SPIDR: variants seen among roughly 807,000 people sequenced by gnomAD.
SPIDR encodes the protein scaffold protein involved in DNA repair, also known as DNA repair-scaffolding protein.
A neutral mutation model predicts 104.6 loss-of-function variants in SPIDR; 93 were observed. That is an observed-to-expected ratio of 0.89 (90% CI 0.75 to 1.06). The LOEUF is 1.06. Ranked by LOEUF, SPIDR falls within the 50% of genes least tolerant of loss-of-function variation. SPIDR has a pLI of 0.00. For synonymous variants in SPIDR, 431 were observed against 416.9 expected, an observed-to-expected ratio of 1.03 and a Z score of -0.41; for missense variants, 1,154 against 1,111.2, an observed-to-expected ratio of 1.04 and a Z score of -0.55.
intron 7 of SPIDR, among the ~76,000 whole-genome samples, chr8:47,437,917 C>T (rs2068669482): frequency 6.6e-6 from 1 of 152,208 alleles, no homozygotes. Flanking sequence ...CTAAATCATG[C>T]TGCTATAAAG....
rs188930379 is a variant in SPIDR, at chr8:47,686,654, A to C, written c.1685+12713A>C. 6.6e-5 allele frequency among the ~76,000 whole-genome samples: 10 copies of C among 152,290 alleles called. No individual in the cohort carries two copies. In the East Asian group the frequency reaches 1.5e-3, roughly 23 times the overall value. On this transcript the variant is annotated intron_variant, in intron 11 of 19. Coordinates refer to ENST00000297423, the MANE Select transcript of SPIDR (RefSeq NM_001080394.4). ...CTTAAGACAGGTGCACCAAATTCCA[A>C]AGTCTGATTTTCAGTACTACAGCTG...
chr8:47,506,425 G>A (rs1007759636), intron 8 of SPIDR, among the ~76,000 whole-genome samples: 3 of 152,124 alleles, frequency 2.0e-5, no homozygotes, highest in African/African-American at 7.2e-5. Context: ...CACCAGTGCA[G>A]GTTCTCAGGG....
chr8:47,291,165 G>C (rs1234411764), intron 4 of SPIDR, 28 bp downstream of exon 4: 11 of 1,484,520 alleles, frequency 7.4e-6, no homozygotes, highest in East Asian at 2.3e-5. Flanking sequence ...AGAATAGACA[G>C]ATTTTGTAAC....
chr8:47,595,978 G>C lies in SPIDR; in HGVS notation c.1265G>C (p.Gly422Ala). The C allele has an allele frequency of 6.2e-7, 1 of 1,612,380 alleles. No homozygotes were observed. The highest frequency in any genetic ancestry group is 1.1e-5 in the South Asian group (1 of 90,684). ...ISLAQMFVIKGLTNNSPEIQV... is the reference protein window; with the variant it reads ...ISLAQMFVIKALTNNSPEIQV... The stretch of plus-strand genomic sequence containing the variant: ...TTGGCCCAGATGTTTGTAATTAAGG[G>C]TCTAACAAATAATTCACCTGAAATC... The change falls in exon 9 of 20, where the codon GGT becomes GCT. Residue 422 changes from glycine (G) to alanine (A), a missense_variant. Transcript: ENST00000297423.
intron 5 of SPIDR, among the ~76,000 whole-genome samples, chr8:47,347,637 T>C (rs1267501852): frequency 3.3e-5 from 5 of 152,244 alleles, no homozygotes; most frequent in African/African-American, 9.6e-5. Flanking sequence ...TGGGTGCTTC[T>C]TTATTGGGTG....
At chr8:47,290,293 T>G (rs1188005993) in intron 3 of SPIDR, among the ~76,000 whole-genome samples, 1 of 152,134 alleles carries the variant, frequency 6.6e-6, no homozygotes, top group Non-Finnish European at 1.5e-5. Context: ...ATGACAAAAT[T>G]ACAGAAATGC....
At chr8:47,585,803 A>G (rs1372918607) in intron 8 of SPIDR, among the ~76,000 whole-genome samples, 1 of 151,926 alleles carries the variant, frequency 6.6e-6, no homozygotes, top group Non-Finnish European at 1.5e-5. Context: ...CGCCAATCCC[A>G]CTCCCATGAT....
intron 5 of SPIDR, among the ~76,000 whole-genome samples, chr8:47,331,722 A>C (rs1475870856): frequency 6.6e-6 from 1 of 152,128 alleles, no homozygotes; most frequent in African/African-American, 2.4e-5. Context: ...TAATAAATTA[A>C]TCTTAGCTTA....
At chr8:47,500,453 G>A (rs1444774257) in intron 8 of SPIDR, among the ~76,000 whole-genome samples, 1 of 152,190 alleles carries the variant, frequency 6.6e-6, no homozygotes, top group Non-Finnish European at 1.5e-5. Flanking sequence ...TTTGAGAAGT[G>A]TCTGTTCATA....
At chr8:47,272,470 T>C (rs1267046768) in intron 1 of SPIDR, among the ~76,000 whole-genome samples, 7 of 152,192 alleles carry the variant, frequency 4.6e-5, no homozygotes, top group African/African-American at 9.7e-5. Context: ...CATTATGTGG[T>C]TAGTTTAGTT....
chr8:47,386,892 A>AAG (rs376045910), intron 5 of SPIDR, among the ~76,000 whole-genome samples: 4,963 of 70,520 alleles, frequency 0.07, 224 homozygotes, highest in African/African-American at 0.091. Flanking sequence ...GAGAGAGAGA[A>AAG]AGAGAGAGAG....
At chr8:47,663,714 A>G (rs1407634221) in intron 10 of SPIDR, among the ~76,000 whole-genome samples, 1 of 152,240 alleles carries the variant, frequency 6.6e-6, no homozygotes, top group Non-Finnish European at 1.5e-5. Context: ...TTCAGAATGG[A>G]TAGTTTCCAA....
At chr8:47,653,913 TTACAC>T in intron 10 of SPIDR, 1 of 941,640 alleles carries the variant, frequency 1.1e-6, no homozygotes, top group South Asian at 4.9e-5. Flanking sequence ...AAAGAATTGT[TTACAC>T]TATGGGAATA....
intron 5 of SPIDR, among the ~76,000 whole-genome samples, chr8:47,322,995 G>C (rs949779069): frequency 2.6e-5 from 4 of 152,026 alleles, no homozygotes; most frequent in Admixed American, 6.6e-5. Flanking sequence ...GTTAAATGAC[G>C]AGTTACTGTG....
chr8:47,323,370 C>T (rs1289485550), intron 5 of SPIDR, among the ~76,000 whole-genome samples: 3 of 152,136 alleles, frequency 2.0e-5, no homozygotes, highest in Non-Finnish European at 4.4e-5. Flanking sequence ...TGTGAGTGTA[C>T]AGTGTCTCAC....
chr8:47,723,247 T>TTTAAA, intron 16 of SPIDR, among the ~76,000 whole-genome samples: 1 of 152,324 alleles, frequency 6.6e-6, no homozygotes, highest in African/African-American at 2.4e-5. Flanking sequence ...AATTTGTGTA[T>TTTAAA]TGAGACCATT....
chr8:47,350,995 T>C (rs1371738043), intron 5 of SPIDR, among the ~76,000 whole-genome samples: 2 of 152,208 alleles, frequency 1.3e-5, no homozygotes, highest in Admixed American at 1.3e-4. Flanking sequence ...TCCCCTGTTT[T>C]GTCCCACCTG....
At chr8:47,478,168 C>T (rs1455758127) in intron 8 of SPIDR, among the ~76,000 whole-genome samples, 1 of 152,088 alleles carries the variant, frequency 6.6e-6, no homozygotes, top group African/African-American at 2.4e-5. Context: ...TTAGAAAACC[C>T]GACAGAAATA....
intron 6 of SPIDR, among the ~76,000 whole-genome samples, chr8:47,397,427 C>T (rs539327935): frequency 1.8e-4 from 27 of 152,082 alleles, no homozygotes; most frequent in African/African-American, 5.5e-4. Flanking sequence ...ATCTGGGAGG[C>T]GGAGGTTGCA....
Sources: gnomAD v4.1 joint callset for allele counts (sites outside exome capture counted in the v4.1 genomes callset) on GRCh38, gnomAD v4.1.1 for gene constraint, MANE v1.5 for transcripts, NCBI Gene and HGNC (gene_info 2026-07-23, HGNC 2026-07-21) for gene names.